LRRC8D: variants seen among roughly 807,000 people sequenced by gnomAD.
LRRC8D encodes leucine rich repeat containing 8 VRAC subunit D, also known as volume-regulated anion channel subunit LRRC8D.
In LRRC8D, 20 loss-of-function variants were observed where a neutral mutation model predicts 55.8. The observed-to-expected ratio is 0.36, with a 90% CI of 0.25 to 0.52. The LOEUF is 0.52. Among genes scored for constraint, LRRC8D ranks in the 20% least tolerant of loss-of-function variants. The probability of loss-of-function intolerance (pLI) is 0.93; values close to 1 mark genes in which losing one functional copy is unlikely to be tolerated. For missense variants in LRRC8D, 651 were observed against 1,030.8 expected (o/e 0.63, Z 5.05); for synonymous variants, 352 against 377.0 (o/e 0.93, Z 0.77).
intron 2 of LRRC8D, among the ~76,000 whole-genome samples, chr1:89,875,756 A>C (rs1662132134): frequency 6.6e-6 from 1 of 152,182 alleles, no homozygotes; most frequent in African/African-American, 2.4e-5. Context: ...ACTCTATGCC[A>C]AGCAGTGTTC....
intron 1 of LRRC8D, among the ~76,000 whole-genome samples, chr1:89,834,878 G>A (rs1660969184): frequency 6.6e-6 from 1 of 152,202 alleles, no homozygotes; most frequent in Non-Finnish European, 1.5e-5. Flanking sequence ...TGGAGTGAGG[G>A]ATGGAGGAGG....
At chr1:89,831,166 A>G (rs1315909154) in intron 1 of LRRC8D, among the ~76,000 whole-genome samples, 1 of 152,108 alleles carries the variant, frequency 6.6e-6, no homozygotes, top group East Asian at 1.9e-4. Flanking sequence ...TCAGCCTCCC[A>G]AAGTGCTGGG....
rs1293007758 is a variant in LRRC8D, at chr1:89,935,798, A to G, written c.*153A>G. 4.2e-5 allele frequency: 27 copies of G among 642,898 alleles called. No individual in the cohort carries two copies. Among genetic ancestry groups the G allele is most frequent in the Non-Finnish European group, 5.8e-5 (22 of 378,740 alleles). The allele number at this position is 642,898 out of a possible 1,614,324, so 39.8% of individuals were successfully genotyped here. A position where few individuals can be genotyped will look rare whatever the true frequency, so the allele number is the denominator to read the frequency against. ...GCATAGAAGGCTGATAGAAGACATA[A>G]CTGAATGTTCAATGTTTGTAGGGTT... On this transcript the variant is annotated 3_prime_UTR_variant, in exon 3 of 3. Coordinates refer to ENST00000337338, the MANE Select transcript of LRRC8D (RefSeq NM_001134479.2).
At chr1:89,865,567 A>G (rs2100807428) in intron 2 of LRRC8D, among the ~76,000 whole-genome samples, 1 of 152,246 alleles carries the variant, frequency 6.6e-6, no homozygotes, top group East Asian at 1.9e-4. Context: ...GACTGATAGT[A>G]GTAATGTAGA....
chr1:89,892,105 A>G (rs921595638), intron 2 of LRRC8D, among the ~76,000 whole-genome samples: 1 of 152,194 alleles, frequency 6.6e-6, no homozygotes, highest in African/African-American at 2.4e-5. Flanking sequence ...TCACATTCTG[A>G]TAATTGTTCT....
chr1:89,899,388 T>C (rs1662792677), intron 2 of LRRC8D, among the ~76,000 whole-genome samples: 1 of 152,234 alleles, frequency 6.6e-6, no homozygotes, highest in Non-Finnish European at 1.5e-5. Flanking sequence ...TCGCCAGCCA[T>C]TGCTGCTGTG....
intron 2 of LRRC8D, among the ~76,000 whole-genome samples, chr1:89,860,439 C>T (rs1661672409): frequency 6.6e-6 from 1 of 152,014 alleles, no homozygotes. Context: ...GATCCCAGGG[C>T]TCTTTACTCT....
intron 1 of LRRC8D, among the ~76,000 whole-genome samples, chr1:89,835,227 G>C (rs961047545): frequency 6.6e-6 from 1 of 152,162 alleles, no homozygotes; most frequent in South Asian, 2.1e-4. Context: ...AGGGCAGCCT[G>C]GTGAGGGAAG....
intron 2 of LRRC8D, among the ~76,000 whole-genome samples, chr1:89,871,796 TC>T (rs1662012685): frequency 1.3e-5 from 2 of 152,240 alleles, no homozygotes; most frequent in South Asian, 4.1e-4. Flanking sequence ...TGGATTTATT[TC>T]AATACCTTCA....
At chr1:89,910,720 C>G (rs768189284) in intron 2 of LRRC8D, among the ~76,000 whole-genome samples, 1 of 152,100 alleles carries the variant, frequency 6.6e-6, no homozygotes, top group Non-Finnish European at 1.5e-5. Context: ...AACCTGTTTT[C>G]TCTCAGTAAA....
rs114701275 is a variant in LRRC8D at position 89,851,217 on chromosome 1, A to G, written c.-3+7435A>G. 8.7e-3 allele frequency among the ~76,000 whole-genome samples: 1,325 copies of G among 152,246 alleles called. 27 individuals are homozygous for G. The highest frequency in any genetic ancestry group is 0.03 in the African/African-American group (1,262 of 41,542). ...ATGTGCTTGTAGAGCTATGAGGTAC[A>G]TTCCTGGTACGGCTTTTGAATGAAT... On this transcript the variant is annotated intron_variant, in intron 2 of 2. Transcript: ENST00000337338.
intron 1 of LRRC8D, among the ~76,000 whole-genome samples, chr1:89,827,726 G>A (rs568159213): frequency 5.3e-5 from 8 of 152,250 alleles, no homozygotes; most frequent in South Asian, 2.1e-4. Flanking sequence ...TTCCTGCTCC[G>A]GTACTCTGTC....
chr1:89,860,823 C>G (rs1404865698), intron 2 of LRRC8D, among the ~76,000 whole-genome samples: 1 of 121,456 alleles, frequency 8.2e-6, no homozygotes, highest in Non-Finnish European at 1.7e-5. Flanking sequence ...CACACAGACG[C>G]ATTTTGTACG....
intron 2 of LRRC8D, among the ~76,000 whole-genome samples, chr1:89,922,848 CTTTAT>C (rs761631063): frequency 1.2e-4 from 19 of 152,262 alleles, no homozygotes; most frequent in Non-Finnish European, 2.1e-4. Flanking sequence ...GATCTGGTTT[CTTTAT>C]TTTAACAGCT....
At chr1:89,866,474 C>T (rs1445618019) in intron 2 of LRRC8D, among the ~76,000 whole-genome samples, 2 of 152,140 alleles carry the variant, frequency 1.3e-5, no homozygotes, top group East Asian at 1.9e-4. Flanking sequence ...TTGAATGTGT[C>T]GGTAGTTTTT....
chr1:89,918,840 T>C (rs144104739), intron 2 of LRRC8D, among the ~76,000 whole-genome samples: 150 of 152,370 alleles, frequency 9.8e-4, no homozygotes, highest in African/African-American at 3.5e-3. Context: ...GACTTTGGTA[T>C]AATTAATAGT....
intron 2 of LRRC8D, among the ~76,000 whole-genome samples, chr1:89,900,280 C>T (rs1331889466): frequency 2.0e-5 from 3 of 152,134 alleles, no homozygotes; most frequent in African/African-American, 7.2e-5. Flanking sequence ...GGTAGAGGGA[C>T]GATGTGTTAC....
chr1:89,866,886 C>CA (rs199897146), intron 2 of LRRC8D, among the ~76,000 whole-genome samples: 1,892 of 152,290 alleles, frequency 0.012, 25 homozygotes, highest in Non-Finnish European at 0.017. Context: ...CAGATAGATA[C>CA]TTACACTTAA....
chr1:89,886,316 ACTT>A (rs1213486462), intron 2 of LRRC8D, among the ~76,000 whole-genome samples: 3 of 152,086 alleles, frequency 2.0e-5, no homozygotes, highest in African/African-American at 4.8e-5. Flanking sequence ...GTCATTTGTA[ACTT>A]CTTAAGGGAT....
Sources: gnomAD v4.1 joint callset for allele counts (sites outside exome capture counted in the v4.1 genomes callset) on GRCh38, gnomAD v4.1.1 for gene constraint, MANE v1.5 for transcripts, NCBI Gene and HGNC (gene_info 2026-07-23, HGNC 2026-07-21) for gene names.